Variants in PRDM5 observed in about 807,000 individuals in gnomAD.
The protein encoded by PRDM5 is PR domain zinc finger protein 5.
In PRDM5, 56 loss-of-function variants were observed where a neutral mutation model predicts 81.2. The observed-to-expected ratio is 0.69, with a 90% CI of 0.56 to 0.86. PRDM5 has a LOEUF of 0.86. Ranked by LOEUF, PRDM5 falls within the 40% of genes least tolerant of loss-of-function variation. PRDM5 has a pLI of 0.00. For missense variants in PRDM5, 697 were observed against 770.1 expected (o/e 0.91, Z 1.12); for synonymous variants, 267 against 256.4 (o/e 1.04, Z -0.39).
chr4:120,826,366 A>G (rs1320158373), intron 3 of PRDM5, among the ~76,000 whole-genome samples: 4 of 152,096 alleles, frequency 2.6e-5, no homozygotes, highest in Non-Finnish European at 5.9e-5. Context: ...ACTTTCTCTA[A>G]TCTACTAAAT....
At chr4:120,795,727 A>C (rs1751256748) in intron 10 of PRDM5, among the ~76,000 whole-genome samples, 1 of 152,260 alleles carries the variant, frequency 6.6e-6, no homozygotes, top group African/African-American at 2.4e-5. Context: ...AGCCTGGCCA[A>C]TAGGGTGAAA....
chr4:120,813,249 A>T (rs4336252), intron 7 of PRDM5, among the ~76,000 whole-genome samples: 1 of 152,082 alleles, frequency 6.6e-6, no homozygotes, highest in Non-Finnish European at 1.5e-5. Flanking sequence ...CAAATGCACC[A>T]CAATGAATAA....
chr4:120,704,868 G>A (rs1248119487), intron 15 of PRDM5, among the ~76,000 whole-genome samples: 4 of 152,148 alleles, frequency 2.6e-5, no homozygotes, highest in African/African-American at 7.2e-5. Context: ...CAGGTACTGT[G>A]AGCGTGAAGA....
intron 2 of PRDM5, among the ~76,000 whole-genome samples, chr4:120,899,462 G>A (rs1765008065): frequency 6.6e-6 from 1 of 152,208 alleles, no homozygotes; most frequent in African/African-American, 2.4e-5. Context: ...TCAGAAGCCA[G>A]GCATGAAGGC....
At chr4:120,837,549 G>A (rs1368142977) in intron 3 of PRDM5, 2 of 152,150 alleles carry the variant, frequency 1.3e-5, no homozygotes, top group African/African-American at 2.4e-5. Flanking sequence ...CATGTTGCAT[G>A]TGAAATATTT....
intron 2 of PRDM5, among the ~76,000 whole-genome samples, chr4:120,857,755 T>G (rs1427545295): frequency 6.6e-6 from 1 of 152,202 alleles, no homozygotes. Context: ...GGGAGAGAGA[T>G]ACAAATCTTC....
At chr4:120,875,210 C>T (rs1402147371) in intron 2 of PRDM5, among the ~76,000 whole-genome samples, 1 of 152,214 alleles carries the variant, frequency 6.6e-6, no homozygotes, top group Non-Finnish European at 1.5e-5. Flanking sequence ...ACCCAGGGCC[C>T]TGACTCAGGC....
chr4:120,907,398 T>A, intron 2 of PRDM5, 76 bp downstream of exon 2: 1 of 1,208,370 alleles, frequency 8.3e-7, no homozygotes, highest in Non-Finnish European at 1.2e-6. Context: ...TCAATATCAA[T>A]TAATGTAGCC....
intron 8 of PRDM5, among the ~76,000 whole-genome samples, chr4:120,810,001 C>G (rs1365907938): frequency 6.6e-6 from 1 of 152,124 alleles, no homozygotes; most frequent in African/African-American, 2.4e-5. Context: ...AGAACAGGCT[C>G]AGGGCTCTCA....
intron 8 of PRDM5, among the ~76,000 whole-genome samples, chr4:120,809,621 G>A (rs1753548307): frequency 2.6e-5 from 4 of 152,200 alleles, no homozygotes; most frequent in Admixed American, 2.6e-4. Context: ...CATTATAGGA[G>A]ATAATAAATA....
In PRDM5 at chr4:120,781,175, C is replaced by T; in HGVS notation, c.1411G>A (p.Val471Ile). 6.2e-7 allele frequency: 1 copy of T among 1,613,366 alleles called. No individual in the cohort carries two copies. Among genetic ancestry groups the T allele is most frequent in the Non-Finnish European group, 8.5e-7 (1 of 1,179,502 alleles). ...TGACTTCTAAGCACTGAAGGTGTAA[C>T]AAAGGCCTTATTACATAGCTCACAC... Reference protein sequence around the residue: ...YRCELCNKAFVTPSVLRSHKK... With the variant: ...YRCELCNKAFITPSVLRSHKK... Residue 471 changes from valine (V) to isoleucine (I), a missense_variant, in exon 12 of 16, where the codon GTT (valine) becomes ATT (isoleucine). Around this residue, in one of 3 missense-constraint regions of PRDM5, gnomAD observed 577 missense variants for 606.7 expected, o/e 0.95. Coordinates refer to ENST00000264808, the MANE Select transcript of PRDM5 (RefSeq NM_018699.4).
At chr4:120,870,286 T>C (rs1204961226) in intron 2 of PRDM5, among the ~76,000 whole-genome samples, 1 of 152,188 alleles carries the variant, frequency 6.6e-6, no homozygotes, top group Non-Finnish European at 1.5e-5. Context: ...AATATTTAAG[T>C]CTTCTATTAC....
At chr4:120,743,092 C>T (rs868860643) in intron 14 of PRDM5, among the ~76,000 whole-genome samples, 78 of 151,950 alleles carry the variant, frequency 5.1e-4, no homozygotes, top group Non-Finnish European at 6.6e-4. Context: ...CGGCAGAAAC[C>T]CTACAAGCCA....
Position 120,807,825 on chromosome 4 carries a change from G to A in PRDM5, c.945+3545C>T, listed in dbSNP as rs570154835. Among the ~76,000 whole-genome samples the A allele has an allele frequency of 2.0e-5, 3 of 152,248 alleles. No individual in the cohort carries two copies. The South Asian group carries it at 6.2e-4, about 32-fold the overall frequency. On this transcript the variant is annotated intron_variant, in intron 8 of 15. Coordinates refer to ENST00000264808, the MANE Select transcript of PRDM5 (RefSeq NM_018699.4). Reference sequence around the variant, plus strand: ...GGTGAGTGTTACAGTTCTTAAAGGTGGTGTGTCCGGAGTTTGTTCCTTCTG... The same window carrying A: ...GGTGAGTGTTACAGTTCTTAAAGGTAGTGTGTCCGGAGTTTGTTCCTTCTG...
chr4:120,686,071 C>A (rs141668755), intron 1 of PRDM5, among the ~76,000 whole-genome samples: 2 of 152,010 alleles, frequency 1.3e-5, no homozygotes, highest in African/African-American at 4.8e-5. Context: ...CTCTTGCTCC[C>A]GCTCTGGCCA....
intron 2 of PRDM5, among the ~76,000 whole-genome samples, chr4:120,897,644 T>C (rs1000831511): frequency 2.0e-5 from 3 of 152,228 alleles, no homozygotes; most frequent in African/African-American, 7.2e-5. Flanking sequence ...ATCAGTTTAA[T>C]CTCTGTAATT....
At chr4:120,845,073 G>T (rs1758504785) in intron 3 of PRDM5, among the ~76,000 whole-genome samples, 1 of 152,220 alleles carries the variant, frequency 6.6e-6, no homozygotes, top group Non-Finnish European at 1.5e-5. Context: ...AGCTGCAGAA[G>T]AAAGGCTGGA....
chr4:120,829,363 A>C (rs1277218000), intron 3 of PRDM5, among the ~76,000 whole-genome samples: 6 of 152,084 alleles, frequency 3.9e-5, no homozygotes, highest in Non-Finnish European at 8.8e-5. Context: ...TCTAATTTTC[A>C]AATTCTCTAT....
intron 14 of PRDM5, among the ~76,000 whole-genome samples, chr4:120,727,708 G>C (rs1739632032): frequency 6.6e-6 from 1 of 152,108 alleles, no homozygotes; most frequent in African/African-American, 2.4e-5. Context: ...GGCTGAGGCG[G>C]GTGGATCACT....
Sources: allele counts gnomAD v4.1 joint callset (sites outside exome capture counted in the v4.1 genomes callset), GRCh38; gene constraint gnomAD v4.1.1; regional missense constraint gnomAD v4.1.1; transcripts MANE v1.5; gene names NCBI Gene and HGNC (gene_info 2026-07-23, HGNC 2026-07-21).